FNDC3B: variants seen among roughly 807,000 people sequenced by gnomAD.
FNDC3B encodes the protein fibronectin type III domain containing 3B.
FNDC3B carries 12 observed loss-of-function variants against 151.5 expected under a neutral mutation model. The observed-to-expected ratio is 0.08, with a 90% CI of 0.05 to 0.13. The LOEUF (loss-of-function observed/expected upper bound fraction) is 0.13. Among genes scored for constraint, FNDC3B ranks in the 10% least tolerant of loss-of-function variants. FNDC3B has a pLI of 1.00. For synonymous variants in FNDC3B, 528 were observed against 549.0 expected, an observed-to-expected ratio of 0.96 and a Z score of 0.54; for missense variants, 1,214 against 1,505.3, an observed-to-expected ratio of 0.81 and a Z score of 3.20.
In FNDC3B at chr3:172,090,346, C is replaced by T. The variant is rs537660789; in HGVS notation, c.-28-22106C>T. On this transcript the variant is annotated intron_variant, in intron 1 of 25. Transcript: ENST00000415807. ...CACTGAGCGGGGGCAGTGAATCTTTCTCAACTCTGCACTCTAGGCAGGTAC... is the reference window on the plus strand; with the variant it reads ...CACTGAGCGGGGGCAGTGAATCTTTTTCAACTCTGCACTCTAGGCAGGTAC... Among the ~76,000 whole-genome samples, 10 of 152,274 alleles carry T rather than the reference C, an allele frequency of 6.6e-5. No homozygotes were observed. In the South Asian group the frequency reaches 1.7e-3, roughly 25 times the overall value.
At chr3:172,278,753 C>T (rs56011183) in intron 6 of FNDC3B, among the ~76,000 whole-genome samples, 4,128 of 152,096 alleles carry the variant, frequency 0.027, 81 homozygotes, top group Middle Eastern at 0.041. Context: ...ATGGTGAAAC[C>T]CCGTCTCTAC....
chr3:172,267,547 G>A (rs1020887486), intron 6 of FNDC3B, among the ~76,000 whole-genome samples: 5 of 152,190 alleles, frequency 3.3e-5, no homozygotes, highest in African/African-American at 7.2e-5. Context: ...TGCTGTGGAC[G>A]TGCATGTGTA....
intron 11 of FNDC3B, among the ~76,000 whole-genome samples, chr3:172,319,680 G>A (rs1330962520): frequency 2.6e-5 from 4 of 152,158 alleles, no homozygotes; most frequent in Non-Finnish European, 5.9e-5. Flanking sequence ...CAAATGCAGA[G>A]TGTCCCTCCC....
intron 1 of FNDC3B, among the ~76,000 whole-genome samples, chr3:172,070,281 TC>T (rs2108485646): frequency 6.7e-6 from 1 of 148,962 alleles, no homozygotes; most frequent in East Asian, 2.0e-4. Context: ...TAAACTGAGA[TC>T]TGTCAATAGA....
chr3:172,316,000 C>CTTTT (rs555242809), intron 11 of FNDC3B, among the ~76,000 whole-genome samples: 139 of 79,896 alleles, frequency 1.7e-3, no homozygotes, highest in Non-Finnish European at 2.8e-3. Flanking sequence ...CTTTCTTCTT[C>CTTTT]TTTTTTTTTT....
intron 11 of FNDC3B, among the ~76,000 whole-genome samples, chr3:172,317,896 C>T (rs140654976): frequency 6.6e-6 from 1 of 152,298 alleles, no homozygotes; most frequent in African/African-American, 2.4e-5. Context: ...AACTTCTGGA[C>T]ATGACATGCA....
intron 14 of FNDC3B, among the ~76,000 whole-genome samples, chr3:172,334,595 A>G (rs186546193): frequency 4.8e-4 from 73 of 152,234 alleles, no homozygotes; most frequent in African/African-American, 1.8e-3. Context: ...GGCATGTGCC[A>G]TCACGCCCAG....
At chr3:172,243,127 A>C (rs1177260857) in intron 4 of FNDC3B, among the ~76,000 whole-genome samples, 2 of 152,204 alleles carry the variant, frequency 1.3e-5, no homozygotes, top group Non-Finnish European at 2.9e-5. Context: ...CTTATTGTTC[A>C]TATCATTATC....
Position 172,119,890 on chromosome 3 carries a change from G to A in FNDC3B, c.111+7300G>A, listed in dbSNP as rs73167207. On this transcript the variant is annotated intron_variant, in intron 2 of 25. Coordinates refer to ENST00000415807, the MANE Select transcript of FNDC3B (RefSeq NM_022763.4). Reference sequence around the variant, plus strand: ...CAACCAGATCCACTTTTCCAGCTGCGGAGGCAGCAACCCTTGCTTTGAGGG... The same window carrying A: ...CAACCAGATCCACTTTTCCAGCTGCAGAGGCAGCAACCCTTGCTTTGAGGG... 8.3e-3 allele frequency among the ~76,000 whole-genome samples: 1,257 copies of A among 152,248 alleles called. 13 individuals carry two copies. The highest frequency in any genetic ancestry group is 0.027 in the Middle Eastern group (8 of 292).
chr3:172,353,888 G>T (rs1733970087), intron 22 of FNDC3B, among the ~76,000 whole-genome samples: 1 of 151,756 alleles, frequency 6.6e-6, no homozygotes, highest in South Asian at 2.1e-4. Context: ...TTCCTTATAA[G>T]ATAGCTTTGA....
At chr3:172,226,482 A>C (rs569753819) in intron 3 of FNDC3B, among the ~76,000 whole-genome samples, 20 of 152,156 alleles carry the variant, frequency 1.3e-4, no homozygotes, top group Non-Finnish European at 2.5e-4. Context: ...ATAAAAAATA[A>C]TTTTATAATT....
At chr3:172,304,797 C>T (rs749821489) in intron 9 of FNDC3B, among the ~76,000 whole-genome samples, 1 of 151,380 alleles carries the variant, frequency 6.6e-6, no homozygotes, top group East Asian at 1.9e-4. Context: ...CTCAGGGGGC[C>T]GAGGCAGGAG....
chr3:172,247,972 TTTTC>T (rs1181498810), intron 5 of FNDC3B, among the ~76,000 whole-genome samples, 196 bp downstream of exon 5: 2 of 152,186 alleles, frequency 1.3e-5, no homozygotes, highest in Non-Finnish European at 2.9e-5. Flanking sequence ...GTTTAGTTCT[TTTTC>T]TTTCTTTCAG....
At position 172,400,101 on chromosome 3, in the gene FNDC3B, G is replaced by A. The variant is rs1352524513; in HGVS notation, c.*2626G>A. 2 of 152,018 alleles carry A rather than the reference G, an allele frequency of 1.3e-5. No individual in the cohort carries two copies. The highest frequency in any genetic ancestry group is 1.9e-4 in the East Asian group (1 of 5,192). The allele number at this position is 152,018 out of a possible 1,614,324, so 9.4% of individuals were successfully genotyped here. A position where few individuals can be genotyped will look rare whatever the true frequency, so the allele number is the denominator to read the frequency against. On this transcript the variant is annotated 3_prime_UTR_variant, in exon 26 of 26. Transcript: ENST00000415807. The stretch of plus-strand genomic sequence containing the variant: ...AACTATATATATTGCCATCACACAC[G>A]AACAATAAAATAAAGTGTTCTATTA...
chr3:172,371,103 G>A (rs1411807656), intron 23 of FNDC3B, among the ~76,000 whole-genome samples: 1 of 152,046 alleles, frequency 6.6e-6, no homozygotes, highest in Non-Finnish European at 1.5e-5. Flanking sequence ...TGGTTTCAGG[G>A]CAACACCCTC....
chr3:172,358,234 T>C (rs558578143), intron 22 of FNDC3B, among the ~76,000 whole-genome samples: 357 of 152,336 alleles, frequency 2.3e-3, no homozygotes, highest in African/African-American at 8.3e-3. Flanking sequence ...AGAGATGATA[T>C]TGTAGATGTC....
intron 1 of FNDC3B, among the ~76,000 whole-genome samples, chr3:172,090,518 C>T (rs1392972666): frequency 6.6e-6 from 1 of 152,134 alleles, no homozygotes; most frequent in Non-Finnish European, 1.5e-5. Context: ...ACAGAATAAT[C>T]CAAGTTTCCT....
intron 3 of FNDC3B, among the ~76,000 whole-genome samples, chr3:172,170,320 G>T (rs147503152): frequency 6.6e-6 from 1 of 152,126 alleles, no homozygotes; most frequent in Non-Finnish European, 1.5e-5. Context: ...CCCGTGTTCC[G>T]CTTTGCCCAA....
chr3:172,114,455 C>T (rs1234223094), intron 2 of FNDC3B, among the ~76,000 whole-genome samples: 1 of 152,186 alleles, frequency 6.6e-6, no homozygotes, highest in Non-Finnish European at 1.5e-5. Flanking sequence ...TGTTGTTGTA[C>T]ACCATGTTTA....
Sources: allele counts gnomAD v4.1 joint callset (sites outside exome capture counted in the v4.1 genomes callset), GRCh38; gene constraint gnomAD v4.1.1; transcripts MANE v1.5; gene names NCBI Gene and HGNC (gene_info 2026-07-23, HGNC 2026-07-21).